Variants in EXOC4 observed in about 807,000 individuals in gnomAD.
EXOC4 encodes the protein SEC8-like 1.
A neutral mutation model predicts 107.2 loss-of-function variants in EXOC4; 71 were observed. The observed-to-expected ratio is 0.66, with a 90% CI of 0.55 to 0.81. EXOC4 has a LOEUF of 0.81. Ranked by LOEUF, EXOC4 falls within the 30% of genes least tolerant of loss-of-function variation. The pLI is 0.00. For synonymous variants in EXOC4, 456 were observed against 441.2 expected, an observed-to-expected ratio of 1.03 and a Z score of -0.42; for missense variants, 1,108 against 1,189.6, an observed-to-expected ratio of 0.93 and a Z score of 1.01.
At position 133,933,857 on chromosome 7, in the gene EXOC4, G is replaced by C. The variant is rs1293617371; in HGVS notation, c.2028-4034G>C. ...TTGAAAGTTCTCTCATATGTGGTGAGACGTTCCGTTTTTCTCTTCACTAAA... is the reference window on the plus strand; with the variant it reads ...TTGAAAGTTCTCTCATATGTGGTGACACGTTCCGTTTTTCTCTTCACTAAA... On this transcript the variant is annotated intron_variant, in intron 13 of 17. Coordinates refer to ENST00000253861, the MANE Select transcript of EXOC4 (RefSeq NM_021807.4). Among the ~76,000 whole-genome samples, 4 of 152,202 alleles carry C rather than the reference G, an allele frequency of 2.6e-5. No homozygotes were observed. The East Asian group carries it at 7.7e-4, about 29-fold the overall frequency.
rs543035910 is a variant in EXOC4, at chr7:133,314,465, A to G, written c.657-2819A>G. 5.3e-5 allele frequency among the ~76,000 whole-genome samples: 8 copies of G among 152,310 alleles called. No individual in the cohort carries two copies. In the East Asian group the frequency reaches 7.7e-4, roughly 15 times the overall value. ...GTTTTGCAGTAAATTGACTTTCTAAAAGTTTATTGATGGAGTTTGAGGGCC... is the reference window on the plus strand; with the variant it reads ...GTTTTGCAGTAAATTGACTTTCTAAGAGTTTATTGATGGAGTTTGAGGGCC... On this transcript the variant is annotated intron_variant, in intron 4 of 17. Transcript: ENST00000253861.
At chr7:133,863,969 A>G (rs1487055065) in intron 11 of EXOC4, among the ~76,000 whole-genome samples, 21 of 152,042 alleles carry the variant, frequency 1.4e-4, no homozygotes, top group Non-Finnish European at 2.6e-4. Context: ...AGTAATAGGT[A>G]TATCTTCTGA....
chr7:133,918,243 G>A (rs1269558144), intron 13 of EXOC4, among the ~76,000 whole-genome samples: 1 of 152,052 alleles, frequency 6.6e-6, no homozygotes, highest in Non-Finnish European at 1.5e-5. Flanking sequence ...GCCTCCCAAA[G>A]TGCTGGGATT....
intron 8 of EXOC4, among the ~76,000 whole-genome samples, chr7:133,478,336 G>A (rs1358817358): frequency 3.3e-5 from 5 of 151,548 alleles, no homozygotes; most frequent in African/African-American, 1.2e-4. Flanking sequence ...GAAATTGTTG[G>A]AAATGAACAA....
intron 14 of EXOC4, among the ~76,000 whole-genome samples, chr7:133,957,201 G>T (rs562118432): frequency 6.6e-6 from 1 of 152,138 alleles, no homozygotes; most frequent in East Asian, 1.9e-4. Context: ...TCATTGAATG[G>T]ATTGTTCACA....
intron 3 of EXOC4, among the ~76,000 whole-genome samples, chr7:133,303,522 G>C (rs368358682): frequency 1.3e-5 from 2 of 152,164 alleles, no homozygotes; most frequent in African/African-American, 4.8e-5. Flanking sequence ...CTTTAAATTG[G>C]TTTGAGTACC....
rs969007350 is a variant in EXOC4, at chr7:133,925,440, G to A, written c.2027+7702G>A. On this transcript the variant is annotated intron_variant, in intron 13 of 17. Transcript: ENST00000253861. ...TATATGTATATATTTATCCTTTTGA[G>A]ATCAATGATTATCTGCTGATAAAAG... Among the ~76,000 whole-genome samples, 6 of 152,128 alleles carry A rather than the reference G, an allele frequency of 3.9e-5. No homozygotes were observed. In the East Asian group the frequency reaches 1.2e-3, roughly 29 times the overall value.
chr7:133,752,644 TAAAAACA>T (rs1161948350), intron 10 of EXOC4, among the ~76,000 whole-genome samples: 10 of 152,258 alleles, frequency 6.6e-5, no homozygotes, highest in Non-Finnish European at 2.9e-5. Context: ...GATCACTGTT[TAAAAACA>T]AAAAACAAAA....
chr7:133,589,418 C>G (rs961856760), intron 9 of EXOC4, among the ~76,000 whole-genome samples: 2 of 152,204 alleles, frequency 1.3e-5, no homozygotes, highest in Non-Finnish European at 2.9e-5. Context: ...CCTTCCACCT[C>G]TTGGGAGGCA....
chr7:133,307,831 G>A (rs1238097186), intron 4 of EXOC4, among the ~76,000 whole-genome samples: 1 of 152,154 alleles, frequency 6.6e-6, no homozygotes, highest in Admixed American at 6.5e-5. Flanking sequence ...GAGACACATG[G>A]AACTGACTGA....
chr7:133,831,025 C>T (rs1434496747), intron 11 of EXOC4, among the ~76,000 whole-genome samples: 4 of 152,036 alleles, frequency 2.6e-5, no homozygotes, highest in African/African-American at 9.7e-5. Context: ...AGTGTGGTGG[C>T]GCGATCTCGG....
intron 5 of EXOC4, among the ~76,000 whole-genome samples, chr7:133,352,366 T>G (rs10270739): frequency 0.31 from 46,744 of 151,880 alleles, 7,507 homozygotes; most frequent in South Asian, 0.44. Flanking sequence ...TAAATGTTTA[T>G]AATGGTTATA....
At chr7:133,574,056 TTAAGTAAGACTGCTAA>T (rs1801078081) in intron 9 of EXOC4, among the ~76,000 whole-genome samples, 3 of 152,230 alleles carry the variant, frequency 2.0e-5, no homozygotes, top group Admixed American at 1.3e-4. Flanking sequence ...TCATGAGTTA[TTAAGTAAGACTGCTAA>T]TAAGTTGCTG....
intron 17 of EXOC4, among the ~76,000 whole-genome samples, chr7:134,034,431 T>C (rs1185364187): frequency 3.3e-5 from 5 of 152,208 alleles, no homozygotes; most frequent in Non-Finnish European, 7.4e-5. Context: ...TCATCTTGAA[T>C]TGTAATCCCC....
At chr7:133,601,302 G>A (rs142865300) in intron 9 of EXOC4, among the ~76,000 whole-genome samples, 19 of 152,000 alleles carry the variant, frequency 1.3e-4, no homozygotes, top group African/African-American at 3.6e-4. Context: ...CTGTTTATTA[G>A]TGGAAATATA....
At chr7:133,756,314 C>G (rs1795915879) in intron 10 of EXOC4, among the ~76,000 whole-genome samples, 1 of 152,108 alleles carries the variant, frequency 6.6e-6, no homozygotes. Flanking sequence ...CTGAGGAAGC[C>G]TAGACTGTCA....
intron 9 of EXOC4, among the ~76,000 whole-genome samples, chr7:133,569,454 T>C (rs1275293513): frequency 1.3e-5 from 2 of 152,180 alleles, no homozygotes; most frequent in African/African-American, 4.8e-5. Context: ...TGAATACAGT[T>C]CCCATGTTAG....
At position 133,568,006 on chromosome 7, in the gene EXOC4, C is replaced by T. The variant is rs112498371; in HGVS notation, c.1418-62039C>T. 5.2e-3 allele frequency among the ~76,000 whole-genome samples: 787 copies of T among 152,260 alleles called. 2 individuals carry two copies. The highest frequency in any genetic ancestry group is 8.4e-3 in the Non-Finnish European group (574 of 68,000). ...CATAGTGTACCATTTTACACTTTTA[C>T]CAAGTAATGTTCTTCATTCTTTACA... On this transcript the variant is annotated intron_variant, in intron 9 of 17. Transcript: ENST00000253861.
intron 5 of EXOC4, among the ~76,000 whole-genome samples, chr7:133,331,550 C>T (rs555373322): frequency 3.2e-4 from 48 of 150,714 alleles, no homozygotes; most frequent in African/African-American, 6.6e-4. Context: ...CTGCAGGCTC[C>T]GCCCCCTGGG....
Sources: allele counts gnomAD v4.1 joint callset (sites outside exome capture counted in the v4.1 genomes callset), GRCh38; gene constraint gnomAD v4.1.1; transcripts MANE v1.5; gene names NCBI Gene and HGNC (gene_info 2026-07-23, HGNC 2026-07-21).